NRXN1: variants seen among roughly 807,000 people sequenced by gnomAD.
NRXN1 encodes neurexin 1, also known as neurexin-1.
NRXN1 carries 39 observed loss-of-function variants against 150.9 expected under a neutral mutation model. The ratio of observed to expected loss-of-function variants is 0.26; its 90% confidence interval spans 0.20 to 0.34. NRXN1 has a LOEUF of 0.34. Ranked by LOEUF, NRXN1 falls within the 10% of genes least tolerant of loss-of-function variation. The probability of loss-of-function intolerance (pLI) is 1.00; values close to 1 mark genes in which losing one functional copy is unlikely to be tolerated. For missense variants in NRXN1, 1,815 were observed against 1,949.9 expected (o/e 0.93, Z 1.30); for synonymous variants, 924 against 757.0 (o/e 1.22, Z -3.62).
intron 21 of NRXN1, among the ~76,000 whole-genome samples, chr2:50,040,443 C>A (rs975396244): frequency 6.6e-6 from 1 of 151,684 alleles, no homozygotes; most frequent in Admixed American, 6.6e-5. Flanking sequence ...AAAGCCTGAG[C>A]TAATCCTCAA....
intron 17 of NRXN1, among the ~76,000 whole-genome samples, chr2:50,296,443 C>A (rs891094608): frequency 1.3e-5 from 2 of 152,116 alleles, no homozygotes; most frequent in South Asian, 2.1e-4. Flanking sequence ...GGGCTTCTAG[C>A]GTGCCCATCA....
chr2:50,959,449 A>T (rs35903458), intron 2 of NRXN1, among the ~76,000 whole-genome samples: 46,270 of 151,916 alleles, frequency 0.3, 8,030 homozygotes, highest in Non-Finnish European at 0.4. Flanking sequence ...GTACTAATAC[A>T]TATTACAATA....
intron 5 of NRXN1, among the ~76,000 whole-genome samples, chr2:50,660,344 C>A (rs941952678): frequency 1.3e-5 from 2 of 151,984 alleles, no homozygotes; most frequent in African/African-American, 4.8e-5. Context: ...CTCTTAACAA[C>A]ACCCTAAGTT....
At chr2:50,225,311 G>A (rs544002508) in intron 18 of NRXN1, among the ~76,000 whole-genome samples, 1 of 152,036 alleles carries the variant, frequency 6.6e-6, no homozygotes, top group South Asian at 2.1e-4. Flanking sequence ...ATTCACTCAG[G>A]TATGCATTGC....
chr2:50,429,672 A>T (rs961203704), intron 17 of NRXN1, among the ~76,000 whole-genome samples: 6 of 152,184 alleles, frequency 3.9e-5, no homozygotes, highest in Non-Finnish European at 8.8e-5. Context: ...TTTACAAAAA[A>T]ATCCTACTGA....
At chr2:50,977,210 C>T (rs972761711) in intron 2 of NRXN1, among the ~76,000 whole-genome samples, 1 of 151,752 alleles carries the variant, frequency 6.6e-6, no homozygotes, top group Admixed American at 6.6e-5. Flanking sequence ...ATTTAGAGCA[C>T]ATTCATTATA....
chr2:51,015,265 TC>T (rs1340297911), intron 2 of NRXN1, among the ~76,000 whole-genome samples: 1 of 152,048 alleles, frequency 6.6e-6, no homozygotes, highest in Non-Finnish European at 1.5e-5. Context: ...TCTCTTCTGG[TC>T]TTCTGTCTCA....
intron 17 of NRXN1, among the ~76,000 whole-genome samples, chr2:50,408,518 C>G (rs1345625492): frequency 6.6e-6 from 1 of 152,174 alleles, no homozygotes. Context: ...ACTACTTCCT[C>G]TTGCTTACTT....
At chr2:50,844,957 T>C (rs72838779) in intron 5 of NRXN1, among the ~76,000 whole-genome samples, 11,236 of 152,022 alleles carry the variant, frequency 0.074, 526 homozygotes, top group Middle Eastern at 0.14. Flanking sequence ...AGGCTCAAGC[T>C]ATCCTCCCAC....
chr2:50,401,898 C>T (rs74851510), intron 17 of NRXN1, among the ~76,000 whole-genome samples: 3,374 of 152,144 alleles, frequency 0.022, 121 homozygotes, highest in African/African-American at 0.077. Context: ...TTTTCACTTC[C>T]TGGAAGCCCT....
chr2:51,028,738 A>T lies in NRXN1; in HGVS notation c.-465T>A, dbSNP rs200410983. 1 of 155,650 alleles carries T rather than the reference A, an allele frequency of 6.4e-6. No homozygotes were observed. Among genetic ancestry groups the T allele is most frequent in the African/African-American group, 2.4e-5 (1 of 41,596 alleles). The allele number at this position is 155,650 out of a possible 1,614,324, so 9.6% of individuals were successfully genotyped here. On this transcript the variant is annotated 5_prime_UTR_variant, in exon 2 of 23. Coordinates refer to ENST00000401669, the MANE Select transcript of NRXN1 (RefSeq NM_001330078.2). ...AGCAGTGAGAGTCAGTAAAAAGAAAACACTTTTCTCAAGAAAGTACAGGAA... is the reference window on the plus strand; with the variant it reads ...AGCAGTGAGAGTCAGTAAAAAGAAATCACTTTTCTCAAGAAAGTACAGGAA...
intron 17 of NRXN1, among the ~76,000 whole-genome samples, chr2:50,286,620 A>T (rs927211269): frequency 5.3e-5 from 8 of 152,138 alleles, no homozygotes; most frequent in Non-Finnish European, 1.0e-4. Flanking sequence ...TTATGTGAAG[A>T]GGTAGAATGA....
intron 8 of NRXN1, among the ~76,000 whole-genome samples, chr2:50,586,610 G>C (rs1673140267): frequency 6.6e-6 from 1 of 151,580 alleles, no homozygotes; most frequent in African/African-American, 2.4e-5. Flanking sequence ...CCCCACAAAA[G>C]AAACATCTAA....
At chr2:50,746,757 T>C (rs1426710713) in intron 5 of NRXN1, among the ~76,000 whole-genome samples, 1 of 152,088 alleles carries the variant, frequency 6.6e-6, no homozygotes, top group Non-Finnish European at 1.5e-5. Context: ...AGGCTCATAG[T>C]TCTGAAATTA....
intron 5 of NRXN1, among the ~76,000 whole-genome samples, chr2:50,787,341 C>T (rs898376758): frequency 6.6e-6 from 1 of 151,958 alleles, no homozygotes; most frequent in Admixed American, 6.6e-5. Context: ...GAGTGGATCA[C>T]CTGATGTCAG....
At chr2:50,755,283 C>A (rs1192197894) in intron 5 of NRXN1, among the ~76,000 whole-genome samples, 1 of 151,782 alleles carries the variant, frequency 6.6e-6, no homozygotes, top group Admixed American at 6.6e-5. Context: ...AAGTCAGTAA[C>A]CTCTCAGAGT....
At position 50,347,194 on chromosome 2, in the gene NRXN1, G is replaced by A. The variant is rs758726469; in HGVS notation, c.3365-110224C>T. The stretch of plus-strand genomic sequence containing the variant: ...ATGCAGCTGGAGAGGGGCTTGTCCG[G>A]AAAGGCAGCCCCGGGAACAGCAAGC... On this transcript the variant is annotated intron_variant, in intron 17 of 22. Coordinates refer to ENST00000401669, the MANE Select transcript of NRXN1 (RefSeq NM_001330078.2). The surrounding 1 kb of genome is among the most constrained non-coding windows in gnomAD (Gnocchi z 4.9). The A allele has an allele frequency of 9.6e-6, 13 of 1,351,776 alleles. No individual in the cohort carries two copies. In the African/African-American group the frequency reaches 1.8e-4, roughly 18 times the overall value. The allele number at this position is 1,351,776 out of a possible 1,614,324, so 83.7% of individuals were successfully genotyped here.
At position 50,346,926 on chromosome 2, in the gene NRXN1, G is replaced by A. The variant is rs2078037198; in HGVS notation, c.3365-109956C>T. ...CCCCGGGCGAGCCCAGCTCGGCGCC[G>A]CACCGGAGCATCCTCTGGTACATGG... On this transcript the variant is annotated intron_variant, in intron 17 of 22. Transcript: ENST00000401669. The surrounding 1 kb of genome is among the most constrained non-coding windows in gnomAD (Gnocchi z 5.0). 3 of 1,312,870 alleles carry A rather than the reference G, an allele frequency of 2.3e-6. No individual in the cohort carries two copies. The highest frequency in any genetic ancestry group is 2.9e-6 in the Non-Finnish European group (3 of 1,030,570). The allele number at this position is 1,312,870 out of a possible 1,614,324, so 81.3% of individuals were successfully genotyped here.
chr2:50,276,699 A>T (rs1264431103), intron 17 of NRXN1, among the ~76,000 whole-genome samples: 1 of 152,162 alleles, frequency 6.6e-6, no homozygotes, highest in Non-Finnish European at 1.5e-5. Flanking sequence ...ACTTGACAAC[A>T]TTGTAATCTT....
Sources: allele counts gnomAD v4.1 joint callset (sites outside exome capture counted in the v4.1 genomes callset), GRCh38; gene constraint gnomAD v4.1.1; non-coding constraint Gnocchi (gnomAD v3.1); transcripts MANE v1.5; gene names NCBI Gene and HGNC (gene_info 2026-07-23, HGNC 2026-07-21).